Variants in PFKM observed in about 807,000 individuals in gnomAD.
The protein encoded by PFKM is ATP-dependent 6-phosphofructokinase, muscle type.
PFKM carries 58 observed loss-of-function variants against 95.5 expected under a neutral mutation model. The ratio of observed to expected loss-of-function variants is 0.61; its 90% CI spans 0.49 to 0.76. The LOEUF (loss-of-function observed/expected upper bound fraction) is 0.76, where lower values mean the gene tolerates loss of function less well. Ranked by LOEUF, PFKM falls within the 30% of genes least tolerant of loss-of-function variation. PFKM has a pLI of 0.00. For missense variants in PFKM, 678 were observed against 1,005.4 expected (o/e 0.67, Z 4.40); for synonymous variants, 336 against 357.2 (o/e 0.94, Z 0.67).
rs748647298 is a variant in PFKM at position 48,145,702 on chromosome 12, C to T, written c.2337C>T (p.Ala779=). Residue 779 remains alanine (A), a synonymous_variant, in exon 23 of 23, where the codon GCC becomes GCT. Coordinates refer to ENST00000359794, the MANE Select transcript of PFKM (RefSeq NM_000289.6). The surrounding 1 kb of genome is among the most constrained non-coding windows in gnomAD (Gnocchi z 4.3). ...CCCGGAAGCGGTCCGGGGAAGCTGC[C>T]GTCTAAACCTCTCTGGAGTGAGGGG... The part of the protein sequence containing the change: ...HITRKRSGEA[A]V 1.4e-5 allele frequency: 22 copies of T among 1,613,998 alleles called. 1 individual carries two copies. Among genetic ancestry groups the T allele is most frequent in the South Asian group, 4.4e-5 (4 of 91,082 alleles).
chr12:48,111,745 A>G (rs939400453), intron 3 of PFKM, among the ~76,000 whole-genome samples: 4 of 152,188 alleles, frequency 2.6e-5, no homozygotes, highest in Admixed American at 2.6e-4. Context: ...GGTGGATCAA[A>G]GAGAGACAGT....
intron 20 of PFKM, 120 bp from the exon 21 acceptor site, chr12:48,144,911 G>T: frequency 1.3e-6 from 1 of 770,152 alleles, no homozygotes; most frequent in African/African-American, 1.7e-5. Flanking sequence ...TTTGACTTCT[G>T]GATTCCTGTT....
chr12:48,125,419 C>T lies in PFKM; in HGVS notation c.85+2560C>T, dbSNP rs181555785. 1,904 of 416,048 alleles carry T rather than the reference C, an allele frequency of 4.6e-3. 41 individuals carry two copies. Among genetic ancestry groups the T allele is most frequent in the African/African-American group, 0.037 (1,718 of 46,452 alleles). The allele number at this position is 416,048 out of a possible 1,614,324, so 25.8% of individuals were successfully genotyped here. On this transcript the variant is annotated intron_variant, in intron 2 of 22. Transcript: ENST00000359794. Reference sequence around the variant, plus strand: ...GGCAGATCACCCGAGGTTGGGAGTTCGAGACCAGCCTGACCAACATGGAGA... The same window carrying T: ...GGCAGATCACCCGAGGTTGGGAGTTTGAGACCAGCCTGACCAACATGGAGA...
chr12:48,142,809 G>C lies in PFKM; in HGVS notation c.1681G>C (p.Ala561Pro). Residue 561 changes from alanine to proline, a missense_variant, in exon 18 of 23, where the codon GCT (alanine) becomes CCT (proline). By Grantham distance (27) the Ala-to-Pro change is conservative (BLOSUM62 -1). Coordinates refer to ENST00000359794, the MANE Select transcript of PFKM (RefSeq NM_000289.6). ...TTCDRIKQSA[A>P]GTKRRVFIIE... The stretch of plus-strand genomic sequence containing the variant: ...CTGTGACCGCATCAAGCAGTCAGCA[G>C]CTGGCACCAAGCGTCGGGTGTTTAT... The C allele has an allele frequency of 6.2e-7, 1 of 1,614,186 alleles. No homozygotes were observed. The highest frequency in any genetic ancestry group is 8.5e-7 in the Non-Finnish European group (1 of 1,180,026).
rs890273114 is a variant in PFKM, at chr12:48,145,535, A to G, written c.2199-29A>G. On this transcript the variant is annotated intron_variant, in intron 22 of 22. Coordinates refer to ENST00000359794, the MANE Select transcript of PFKM (RefSeq NM_000289.6). The surrounding 1 kb of genome is among the most constrained non-coding windows in gnomAD (Gnocchi z 4.3). ...AAGTTGATTGGGGTGCTAAAAGATT[A>G]TATCATCATCTACCTCATTCCTCTG... is the stretch of plus-strand genomic sequence containing the variant. 6.2e-7 allele frequency: 1 copy of G among 1,613,496 alleles called. No homozygotes were observed. The highest frequency in any genetic ancestry group is 2.2e-5 in the East Asian group (1 of 44,880).
At chr12:48,143,979 A>G in intron 19 of PFKM, 67 bp from the exon 20 acceptor site, 2 of 1,251,090 alleles carry the variant, frequency 1.6e-6, no homozygotes, top group Non-Finnish European at 2.4e-6. Context: ...AAAGGAAAGA[A>G]CAAAGGCAGA....
chr12:48,123,267 A>G (rs1753503768), intron 2 of PFKM, among the ~76,000 whole-genome samples: 1 of 152,166 alleles, frequency 6.6e-6, no homozygotes. Flanking sequence ...GTCTTCAGGT[A>G]TTAACTCTGA....
chr12:48,121,215 G>A (rs1179670025), intron 1 of PFKM, among the ~76,000 whole-genome samples: 9 of 152,350 alleles, frequency 5.9e-5, no homozygotes, highest in African/African-American at 2.2e-4. Flanking sequence ...ATGTGAATCT[G>A]TGGAAAGGGC....
chr12:48,105,843 G>T (rs746384020), upstream of PFKM: 972 of 599,052 alleles, frequency 1.6e-3, 3 homozygotes, highest in Non-Finnish European at 1.7e-3. Context: ...CCACAGCGCG[G>T]CCACCGGACA....
intron 2 of PFKM, among the ~76,000 whole-genome samples, chr12:48,126,720 C>T (rs1009612832): frequency 1.3e-5 from 2 of 152,128 alleles, no homozygotes; most frequent in Non-Finnish European, 2.9e-5. Flanking sequence ...CAATTTTTTC[C>T]CTTATTTCCT....
chr12:48,107,675 G>A (rs1460751913), intron 2 of PFKM, among the ~76,000 whole-genome samples: 3 of 152,164 alleles, frequency 2.0e-5, no homozygotes, highest in Non-Finnish European at 4.4e-5. Context: ...AGGCAGATAA[G>A]GAGGACTTGA....
At chr12:48,133,281 AC>A (rs1366609715) in intron 5 of PFKM, 33 bp from the exon 6 acceptor site, 17 of 1,592,730 alleles carry the variant, frequency 1.1e-5, no homozygotes, top group Non-Finnish European at 1.3e-5. Flanking sequence ...CAGGTGCCTC[AC>A]CCAGTGGCTC....
Position 48,142,502 on chromosome 12 carries a change from CA to C in PFKM, c.1654-277del. 1.0e-5 allele frequency: 5 copies of C among 487,180 alleles called. No individual in the cohort carries two copies. The South Asian group carries it at 1.1e-4, about 10-fold the overall frequency. The allele number at this position is 487,180 out of a possible 1,614,324, so 30.2% of individuals were successfully genotyped here. A position where few individuals can be genotyped will look rare whatever the true frequency, so the allele number is the denominator to read the frequency against. The stretch of plus-strand genomic sequence containing the variant: ...AGAAATGCACCAGTACCCTGAATAC[CA>C]AATGTTTTGTTTGTTTTTTTTTTTC... On this transcript the variant is annotated intron_variant, in intron 17 of 22. Coordinates refer to ENST00000359794, the MANE Select transcript of PFKM (RefSeq NM_000289.6).
intron 4 of PFKM, chr12:48,132,200 T>TA: frequency 5.0e-6 from 2 of 396,044 alleles, no homozygotes; most frequent in South Asian, 3.7e-5. Context: ...TAAGTATACT[T>TA]ACCTCTCTCA....
intron 3 of PFKM, among the ~76,000 whole-genome samples, chr12:48,109,704 T>C (rs529803227): frequency 6.6e-6 from 1 of 152,164 alleles, no homozygotes; most frequent in Non-Finnish European, 1.5e-5. Flanking sequence ...TCTGTGTGGC[T>C]CAGTTAAGTG....
intron 20 of PFKM, 60 bp downstream of exon 20, chr12:48,144,217 C>A: frequency 1.8e-6 from 2 of 1,139,850 alleles, no homozygotes; most frequent in Non-Finnish European, 2.6e-6. Context: ...AACAGCCATA[C>A]CTGCCAACAG....
intron 14 of PFKM, among the ~76,000 whole-genome samples, 189 bp downstream of exon 14, chr12:48,141,060 A>G (rs1344782656): frequency 2.6e-5 from 4 of 152,228 alleles, no homozygotes; most frequent in Admixed American, 6.5e-5. Context: ...AACCATTGCA[A>G]ACAACATGTC....
At chr12:48,116,267 C>A (rs550094088), upstream of PFKM, among the ~76,000 whole-genome samples, 12 of 150,826 alleles carry the variant, frequency 8.0e-5, no homozygotes, top group Admixed American at 2.0e-4. Flanking sequence ...CTCTCCACCC[C>A]TCCCTACCTC....
chr12:48,114,359 C>T (rs1295861318), intron 3 of PFKM, among the ~76,000 whole-genome samples: 1 of 152,092 alleles, frequency 6.6e-6, no homozygotes, highest in Non-Finnish European at 1.5e-5. Flanking sequence ...GCACATGTAC[C>T]CTGACTATGC....
Sources: allele counts gnomAD v4.1 joint callset (sites outside exome capture counted in the v4.1 genomes callset), GRCh38; gene constraint gnomAD v4.1.1; non-coding constraint Gnocchi (gnomAD v3.1); transcripts MANE v1.5; gene names NCBI Gene and HGNC (gene_info 2026-07-23, HGNC 2026-07-21).